The following COL25A1 variants were observed in gnomAD, a reference collection of about 807,000 sequenced individuals.
COL25A1 encodes collagen type XXV alpha 1 chain, also known as collagen alpha-1(XXV) chain.
A neutral mutation model predicts 128.4 loss-of-function variants in COL25A1; 103 were observed. The ratio of observed to expected loss-of-function variants is 0.80; its 90% CI spans 0.68 to 0.94. The LOEUF (loss-of-function observed/expected upper bound fraction) is 0.94, where lower values mean the gene tolerates loss of function less well. Among genes scored for constraint, COL25A1 ranks in the 40% least tolerant of loss-of-function variants. COL25A1 has a pLI of 0.00. For synonymous variants in COL25A1, 279 were observed against 277.2 expected (o/e 1.01, Z -0.06); for missense variants, 745 against 840.0 (o/e 0.89, Z 1.40).
At chr4:108,823,920 G>A (rs1732065850) in intron 35 of COL25A1, 1 of 1,390,634 alleles carries the variant, frequency 7.2e-7, no homozygotes. Context: ...TTGGTGTCAG[G>A]TGGTTGAAAA....
intron 3 of COL25A1, among the ~76,000 whole-genome samples, chr4:109,065,365 C>T (rs955765531): frequency 3.3e-5 from 5 of 152,116 alleles, no homozygotes; most frequent in Non-Finnish European, 5.9e-5. Context: ...CCTTGTCCAG[C>T]CATGTCAATT....
chr4:108,905,558 C>T (rs11724797), intron 13 of COL25A1, among the ~76,000 whole-genome samples: 70,436 of 150,120 alleles, frequency 0.47, 18,731 homozygotes, highest in East Asian at 0.93. Context: ...AATAATATTA[C>T]TTGTTTCTTT....
chr4:109,111,990 A>C (rs1767065784), intron 3 of COL25A1, among the ~76,000 whole-genome samples: 1 of 152,166 alleles, frequency 6.6e-6, no homozygotes, highest in African/African-American at 2.4e-5. Context: ...CGTTTAATCT[A>C]AGATTAAATC....
At chr4:109,145,960 T>A (rs1770902870) in intron 3 of COL25A1, among the ~76,000 whole-genome samples, 1 of 152,240 alleles carries the variant, frequency 6.6e-6, no homozygotes, top group Admixed American at 6.5e-5. Flanking sequence ...TAATATTAAT[T>A]AATGTGTAAG....
At chr4:108,891,639 T>C (rs938972758) in intron 16 of COL25A1, among the ~76,000 whole-genome samples, 6 of 151,714 alleles carry the variant, frequency 4.0e-5, no homozygotes, top group African/African-American at 1.5e-4. Context: ...TTCCATTTAA[T>C]AAACAAGGAT....
At chr4:108,920,528 T>C (rs1223798774) in intron 12 of COL25A1, 50 bp downstream of exon 12, 11 of 1,434,042 alleles carry the variant, frequency 7.7e-6, no homozygotes, top group Admixed American at 5.6e-5. Context: ...TGCTTGCCAT[T>C]AGGTCATGAG....
intron 5 of COL25A1, among the ~76,000 whole-genome samples, chr4:109,010,614 G>C (rs1756481446): frequency 6.6e-6 from 1 of 152,070 alleles, no homozygotes; most frequent in South Asian, 2.1e-4. Context: ...AATGACCCTA[G>C]GGTTTTAGCA....
chr4:108,937,683 C>T (rs1747597468), intron 11 of COL25A1, 125 bp downstream of exon 11: 3 of 719,542 alleles, frequency 4.2e-6, no homozygotes, highest in Middle Eastern at 2.9e-4. Flanking sequence ...TTACTTTTAA[C>T]TTTTACTAAT....
chr4:108,992,227 T>C (rs912007456), intron 6 of COL25A1, among the ~76,000 whole-genome samples: 1 of 152,146 alleles, frequency 6.6e-6, no homozygotes, highest in African/African-American at 2.4e-5. Flanking sequence ...TTCATGAAAC[T>C]CCAAAAGAGA....
At chr4:109,199,286 T>C (rs1560854610) in intron 3 of COL25A1, among the ~76,000 whole-genome samples, 1 of 152,184 alleles carries the variant, frequency 6.6e-6, no homozygotes, top group Non-Finnish European at 1.5e-5. Context: ...TGTGTACTTC[T>C]GGTACAGAAT....
chr4:109,171,032 C>A (rs1279019008), intron 3 of COL25A1, among the ~76,000 whole-genome samples: 1 of 152,112 alleles, frequency 6.6e-6, no homozygotes, highest in Non-Finnish European at 1.5e-5. Flanking sequence ...TGGTCCCCTG[C>A]TCGGTACATT....
At position 108,863,437 on chromosome 4, in the gene COL25A1, G is replaced by A. The variant is rs372376332; in HGVS notation, c.1084-50C>T. 6 of 1,490,028 alleles carry A rather than the reference G, an allele frequency of 4.0e-6. No homozygotes were observed. The East Asian group carries it at 1.4e-4, about 34-fold the overall frequency. 92.3% of individuals were successfully genotyped at this position (1,490,028 alleles called of 1,614,324 possible). ...AATGGTCATTCCCCCCACCCAGGCTGGTCCCTGTAGATTAATAAATGAGTT... is the reference window on the plus strand; with the variant it reads ...AATGGTCATTCCCCCCACCCAGGCTAGTCCCTGTAGATTAATAAATGAGTT... On this transcript the variant is annotated intron_variant, in intron 20 of 37. Coordinates refer to ENST00000399132, the MANE Select transcript of COL25A1 (RefSeq NM_198721.4).
chr4:109,169,058 C>T (rs1442010314), intron 3 of COL25A1, among the ~76,000 whole-genome samples: 1 of 152,096 alleles, frequency 6.6e-6, no homozygotes, highest in Non-Finnish European at 1.5e-5. Flanking sequence ...TCCCCATGTG[C>T]CCCACACTCT....
intron 6 of COL25A1, among the ~76,000 whole-genome samples, chr4:108,983,874 C>G (rs994984666): frequency 3.3e-5 from 5 of 152,104 alleles, no homozygotes; most frequent in African/African-American, 9.7e-5. Context: ...TGAGCAGCAG[C>G]AGGATTTATT....
At position 109,302,242 on chromosome 4, in the gene COL25A1, G is replaced by A; in HGVS notation, c.-130C>T. On this transcript the variant is annotated 5_prime_UTR_variant, in exon 1 of 38. Transcript: ENST00000399132. Reference sequence around the variant, plus strand: ...TTCTTCTCTCCTCCCAGCTGGAAGTGAAAAGCACCCTCCGTCCGGGGACTG... The same window carrying A: ...TTCTTCTCTCCTCCCAGCTGGAAGTAAAAAGCACCCTCCGTCCGGGGACTG... 1 of 560,456 alleles carries A rather than the reference G, an allele frequency of 1.8e-6. No homozygotes were observed. 34.7% of individuals were successfully genotyped at this position (560,456 alleles called of 1,614,324 possible). A position where few individuals can be genotyped will look rare whatever the true frequency, so the allele number is the denominator to read the frequency against.
chr4:108,813,868 T>A lies in COL25A1; in HGVS notation c.*59A>T, dbSNP rs2125700750. On this transcript the variant is annotated 3_prime_UTR_variant, in exon 38 of 38. Transcript: ENST00000399132. ...TAAAATCTGCAATTCAGTTTTCAAC[T>A]ATAAATATTAAAAATGGACCCTTAT... 1 of 1,360,936 alleles carries A rather than the reference T, an allele frequency of 7.3e-7. No homozygotes were observed. Among genetic ancestry groups the A allele is most frequent in the Non-Finnish European group, 1.0e-6 (1 of 969,822 alleles). The allele number at this position is 1,360,936 out of a possible 1,614,324, so 84.3% of individuals were successfully genotyped here.
chr4:109,127,592 T>C (rs947626833), intron 3 of COL25A1, among the ~76,000 whole-genome samples: 2 of 152,090 alleles, frequency 1.3e-5, no homozygotes, highest in African/African-American at 4.8e-5. Flanking sequence ...CTTCCCAAAG[T>C]GCTAGGATTA....
In COL25A1 at chr4:108,845,105, T is replaced by C. The variant is rs918167897; in HGVS notation, c.1578+84A>G. On this transcript the variant is annotated intron_variant, in intron 29 of 37. Transcript: ENST00000399132. ...AGGTCTGTCTACTGTTGTGCAGCCA[T>C]CTGGCAGAGGTGGAATAGGTAAGTA... 6 of 1,151,892 alleles carry C rather than the reference T, an allele frequency of 5.2e-6. No homozygotes were observed. The Admixed American group carries it at 6.7e-5, about 13-fold the overall frequency. 71.4% of individuals were successfully genotyped at this position (1,151,892 alleles called of 1,614,324 possible).
At chr4:108,876,749 A>G (rs1739505571) in intron 19 of COL25A1, among the ~76,000 whole-genome samples, 1 of 152,194 alleles carries the variant, frequency 6.6e-6, no homozygotes, top group Non-Finnish European at 1.5e-5. Flanking sequence ...TGGTGTTATT[A>G]TAGCATAGGA....
Sources: gnomAD v4.1 joint callset for allele counts (sites outside exome capture counted in the v4.1 genomes callset) on GRCh38, gnomAD v4.1.1 for gene constraint, MANE v1.5 for transcripts, NCBI Gene and HGNC (gene_info 2026-07-23, HGNC 2026-07-21) for gene names.